The following ANKUB1 variants were observed in gnomAD, a reference collection of about 807,000 sequenced individuals.
The protein encoded by ANKUB1 is ankyrin repeat and ubiquitin domain containing 1.
ANKUB1 carries 42 observed loss-of-function variants against 49.3 expected under a neutral mutation model. The ratio of observed to expected loss-of-function variants is 0.85; its 90% CI spans 0.67 to 1.10. ANKUB1 has a LOEUF of 1.10. Ranked by LOEUF, ANKUB1 falls within the 50% of genes least tolerant of loss-of-function variation. The probability of loss-of-function intolerance (pLI) is 0.00; values close to 1 mark genes in which losing one functional copy is unlikely to be tolerated. For synonymous variants in ANKUB1, 222 were observed against 231.0 expected (o/e 0.96, Z 0.35); for missense variants, 613 against 642.0 (o/e 0.95, Z 0.49).
chr3:149,773,161 CCT>C (rs552077607), intron 3 of ANKUB1, among the ~76,000 whole-genome samples: 183 of 152,138 alleles, frequency 1.2e-3, no homozygotes, highest in African/African-American at 4.2e-3. Flanking sequence ...TTCTGCTTCC[CCT>C]CTCTTTTCCT....
At chr3:149,764,699 CCT>C (rs1373483310) in intron 5 of ANKUB1, among the ~76,000 whole-genome samples, 1 of 134,390 alleles carries the variant, frequency 7.4e-6, no homozygotes, top group Non-Finnish European at 1.6e-5. Context: ...CTTCTTTCTT[CCT>C]CTCTTTCTCT....
intron 3 of ANKUB1, among the ~76,000 whole-genome samples, chr3:149,772,512 C>T (rs940265990): frequency 6.6e-6 from 1 of 152,216 alleles, no homozygotes; most frequent in Admixed American, 6.5e-5. Context: ...ATTCAGGTCT[C>T]TGCTCAATGT....
chr3:149,767,175 T>C lies in ANKUB1; in HGVS notation c.1487A>G (p.Tyr496Cys), dbSNP rs189184582. The change falls in exon 5 of 6, where the codon TAC becomes TGC. Residue 496 changes from tyrosine to cysteine, a missense_variant. Transcript: ENST00000446160. ...SGKTPWENAI[Y>C]CLAVASAFKE... ...ACATTACCTTGCCACAGCTAAGCAG[T>C]AGATTGCGTTCTCCCATGGAGTCTT... 6.3e-5 allele frequency: 97 copies of C among 1,529,490 alleles called. No individual in the cohort carries two copies. The highest frequency in any genetic ancestry group is 9.7e-6 in the Non-Finnish European group (11 of 1,138,988). The allele number at this position is 1,529,490 out of a possible 1,614,324, so 94.7% of individuals were successfully genotyped here.
At position 149,769,821 on chromosome 3, in the gene ANKUB1, A is replaced by G. The variant is rs1363845573; in HGVS notation, c.566+739T>C. ...CCATCATAAGTTGTGGACTGTCTGTATTTATTCTGATAGTCTTTAAAAATG... is the reference window on the plus strand; with the variant it reads ...CCATCATAAGTTGTGGACTGTCTGTGTTTATTCTGATAGTCTTTAAAAATG... On this transcript the variant is annotated intron_variant, in intron 4 of 5. Transcript: ENST00000446160. Among the ~76,000 whole-genome samples the G allele has an allele frequency of 2.0e-5, 3 of 152,224 alleles. No individual in the cohort carries two copies. The East Asian group carries it at 5.8e-4, about 29-fold the overall frequency.
Position 149,768,063 on chromosome 3 carries a change from G to A in ANKUB1, c.599C>T (p.Ala200Val), listed in dbSNP as rs796694430. Residue 200 changes from alanine to valine, a missense_variant, in exon 5 of 6, where the codon GCT becomes GTT. Physicochemically the swap from Ala to Val is moderately conservative, Grantham distance 64 (BLOSUM62 0). Transcript: ENST00000446160. ...AGTGAGTTCAATGTACCCACAAAAA[G>A]CAGCAATGTACAGGGCTACCCTTTT... ...YQKRVALYIA[A>V]FCGYIELTEW... 1.4e-6 allele frequency: 2 copies of A among 1,448,966 alleles called. No individual in the cohort carries two copies. The highest frequency in any genetic ancestry group is 1.8e-6 in the Non-Finnish European group (2 of 1,095,746). 89.8% of individuals were successfully genotyped at this position (1,448,966 alleles called of 1,614,324 possible).
At chr3:149,763,547 A>G (rs947309423) in intron 5 of ANKUB1, among the ~76,000 whole-genome samples, 1 of 152,212 alleles carries the variant, frequency 6.6e-6, no homozygotes, top group Non-Finnish European at 1.5e-5. Flanking sequence ...AGCTCATAAC[A>G]TTTGAGATTA....
At chr3:149,764,570 CCCTCCCTCCCTCCCTCCCTCCCTT>C (rs1716912464) in intron 5 of ANKUB1, among the ~76,000 whole-genome samples, 1 of 117,810 alleles carries the variant, frequency 8.5e-6, no homozygotes, top group Non-Finnish European at 1.8e-5. Flanking sequence ...TTCCTTCCTT[CCCTCCCTCCCTCCCTCCCTCCCTT>C]CCTTCCTCCC....
At chr3:149,766,866 A>AGCAGCAGCG (rs1717047973) in intron 5 of ANKUB1, 1 of 1,110,032 alleles carries the variant, frequency 9.0e-7, no homozygotes, top group East Asian at 2.7e-5. Flanking sequence ...CAGCAGCAGC[A>AGCAGCAGCG]GCAGCAGCAG....
Position 149,763,151 on chromosome 3 carries a change from G to A in ANKUB1, c.1506-1538C>T, listed in dbSNP as rs548821696. On this transcript the variant is annotated intron_variant, in intron 5 of 5. Coordinates refer to ENST00000446160, the MANE Select transcript of ANKUB1 (RefSeq NM_001144960.3). ...TACCTCAATGGCTGTGTCTTTCTGT[G>A]CCCTCTAAACTGAGTTAACCCATCC... Among the ~76,000 whole-genome samples the A allele has an allele frequency of 1.3e-4, 20 of 152,236 alleles. No individual in the cohort carries two copies. In the South Asian group the frequency reaches 3.7e-3, roughly 28 times the overall value.
At chr3:149,774,156 G>A (rs889905215) in intron 3 of ANKUB1, among the ~76,000 whole-genome samples, 2 of 152,136 alleles carry the variant, frequency 1.3e-5, no homozygotes, top group Non-Finnish European at 2.9e-5. Context: ...CACTTTTTGG[G>A]TTTAAGACTA....
chr3:149,762,774 C>T (rs1006415211), intron 5 of ANKUB1, among the ~76,000 whole-genome samples: 1 of 152,244 alleles, frequency 6.6e-6, no homozygotes, highest in Admixed American at 6.5e-5. Context: ...AAACTCTTCA[C>T]TTGGTCACAC....
At chr3:149,766,757 C>A in intron 5 of ANKUB1, 1 of 900,400 alleles carries the variant, frequency 1.1e-6, no homozygotes, top group Non-Finnish European at 1.7e-6. Context: ...GTGATAGCAC[C>A]ACTGCACTCC....
chr3:149,763,754 A>G (rs1429562011), intron 5 of ANKUB1, among the ~76,000 whole-genome samples: 1 of 152,172 alleles, frequency 6.6e-6, no homozygotes, highest in Non-Finnish European at 1.5e-5. Context: ...AGGCTGAGGA[A>G]TGAGACTCTA....
intron 5 of ANKUB1, among the ~76,000 whole-genome samples, chr3:149,765,490 C>A (rs1236190248): frequency 3.3e-5 from 5 of 152,042 alleles, no homozygotes; most frequent in African/African-American, 1.2e-4. Flanking sequence ...CAAGAAAGCA[C>A]TGTATACAAC....
rs374221123 is a variant in ANKUB1, at chr3:149,780,494, G to A, written c.235-39C>T. ...AAAGGAGGGAACTTATTGTCTGGAG[G>A]TTCAGATGAGGGCCAAGCATTTCAG... On this transcript the variant is annotated intron_variant, in intron 2 of 5. Coordinates refer to ENST00000446160, the MANE Select transcript of ANKUB1 (RefSeq NM_001144960.3). 3.9e-4 allele frequency: 574 copies of A among 1,479,530 alleles called. 1 individual carries two copies. In the Middle Eastern group the frequency reaches 6.0e-3, roughly 15 times the overall value. The allele number at this position is 1,479,530 out of a possible 1,614,324, so 91.7% of individuals were successfully genotyped here. A position where few individuals can be genotyped will look rare whatever the true frequency, so the allele number is the denominator to read the frequency against.
Position 149,767,934 on chromosome 3 carries a change from G to A in ANKUB1, c.728C>T (p.Pro243Leu). Residue 243 changes from proline to leucine, a missense_variant, in exon 5 of 6, where the codon CCC becomes CTC. Coordinates refer to ENST00000446160, the MANE Select transcript of ANKUB1 (RefSeq NM_001144960.3). ...EALHADVSKC[P>L]IHAAAEAGQL... is the part of the protein sequence containing the mutation. ...GCCTGCTTCTGCGGCTGCATGAATG[G>A]GGCATTTAGAGACATCTGCATGAAG... 1 of 1,549,406 alleles carries A rather than the reference G, an allele frequency of 6.5e-7. No homozygotes were observed. Among genetic ancestry groups the A allele is most frequent in the Middle Eastern group, 1.7e-4 (1 of 5,990 alleles).
rs1717312191 is a variant in ANKUB1, at chr3:149,770,651, A to G, written c.475T>C (p.Trp159Arg). The G allele has an allele frequency of 6.5e-7, 1 of 1,549,896 alleles. No homozygotes were observed. ...DIGTTLRLDV[W>R]DGWKEFLMGC... ...ATCAGAAATTCCTTCCATCCATCCC[A>G]GACATCCAAGCGAAGTGTTGTGCCT... Residue 159 changes from tryptophan to arginine, a missense_variant, in exon 4 of 6, where the codon TGG (tryptophan) becomes CGG (arginine). Transcript: ENST00000446160.
At chr3:149,773,116 T>TCTC (rs764716463) in intron 3 of ANKUB1, among the ~76,000 whole-genome samples, 34 of 151,870 alleles carry the variant, frequency 2.2e-4, no homozygotes, top group Non-Finnish European at 4.3e-4. Flanking sequence ...TCCTAGAGAG[T>TCTC]CTCCCCCTTT....
Position 149,767,465 on chromosome 3 carries a change from G to A in ANKUB1, c.1197C>T (p.Asp399=). Residue 399 remains aspartate (D), a synonymous_variant, in exon 5 of 6, where the codon GAC becomes GAT. Coordinates refer to ENST00000446160, the MANE Select transcript of ANKUB1 (RefSeq NM_001144960.3). ...PVNPLAISQP[D]TRKQALKFHP... is the part of the protein sequence containing the mutation. ...GAAATTTGAGGGCTTGTTTTCTTGT[G>A]TCCGGCTGTGAAATTGCCAAAGGAT... 6.4e-7 allele frequency: 1 copy of A among 1,551,690 alleles called. No individual in the cohort carries two copies. Among genetic ancestry groups the A allele is most frequent in the Non-Finnish European group, 8.7e-7 (1 of 1,146,994 alleles).
Sources: allele counts gnomAD v4.1 joint callset (sites outside exome capture counted in the v4.1 genomes callset), GRCh38; gene constraint gnomAD v4.1.1; transcripts MANE v1.5; gene names NCBI Gene and HGNC (gene_info 2026-07-23, HGNC 2026-07-21).